Variants in FHIT observed in about 807,000 individuals in gnomAD.
The protein encoded by FHIT is bis(5'-adenosyl)-triphosphatase.
A neutral mutation model predicts 17.9 loss-of-function variants in FHIT; 19 were observed. The ratio of observed to expected loss-of-function variants is 1.06; its 90% confidence interval spans 0.74 to 1.56. The LOEUF (loss-of-function observed/expected upper bound fraction) is 1.56, where lower values mean the gene tolerates loss of function less well. Ranked by LOEUF, FHIT falls within the 40% of genes most tolerant of loss-of-function variation. FHIT has a pLI of 0.00. For missense variants in FHIT, 248 were observed against 189.2 expected, an observed-to-expected ratio of 1.31 and a Z score of -1.82; for synonymous variants, 81 against 69.7, an observed-to-expected ratio of 1.16 and a Z score of -0.81.
At chr3:61,212,343 T>A (rs1043882681) in intron 1 of FHIT, among the ~76,000 whole-genome samples, 1 of 152,074 alleles carries the variant, frequency 6.6e-6, no homozygotes, top group African/African-American at 2.4e-5. Context: ...GCACGAGAAC[T>A]ACGTGAAGAA....
At chr3:60,517,540 G>A (rs1485951639) in intron 5 of FHIT, among the ~76,000 whole-genome samples, 4 of 152,106 alleles carry the variant, frequency 2.6e-5, no homozygotes. Context: ...ACGGTCAAAG[G>A]GTGGTCTTCA....
intron 3 of FHIT, among the ~76,000 whole-genome samples, chr3:60,830,600 T>C (rs1203660159): frequency 6.6e-6 from 1 of 152,222 alleles, no homozygotes; most frequent in East Asian, 1.9e-4. Context: ...AATGGAAATA[T>C]ATTTGTAATT....
chr3:60,969,186 T>C (rs1709891126), intron 3 of FHIT, among the ~76,000 whole-genome samples: 1 of 152,166 alleles, frequency 6.6e-6, no homozygotes, highest in Non-Finnish European at 1.5e-5. Context: ...TTTCTAATTA[T>C]GAAGCTAATT....
chr3:60,162,279 C>A (rs2107369604), intron 5 of FHIT, among the ~76,000 whole-genome samples: 1 of 152,200 alleles, frequency 6.6e-6, no homozygotes, highest in African/African-American at 2.4e-5. Context: ...CAATGTAGAT[C>A]TTTTAATTTT....
chr3:60,791,810 ATCT>A (rs1371021170), intron 4 of FHIT, among the ~76,000 whole-genome samples: 63 of 152,354 alleles, frequency 4.1e-4, no homozygotes, highest in African/African-American at 1.5e-3. Flanking sequence ...ACTTTTCTAA[ATCT>A]TCTTCTCTCT....
intron 7 of FHIT, among the ~76,000 whole-genome samples, chr3:60,000,562 C>G (rs374834249): frequency 1.3e-5 from 2 of 151,984 alleles, no homozygotes; most frequent in Non-Finnish European, 2.9e-5. Context: ...GAGTTCAAAC[C>G]CATCCTAATT....
At chr3:60,332,861 A>G (rs996398371) in intron 5 of FHIT, among the ~76,000 whole-genome samples, 11 of 152,212 alleles carry the variant, frequency 7.2e-5, no homozygotes, top group African/African-American at 2.7e-4. Context: ...ACTCAGAGGA[A>G]GATTTTTGCC....
chr3:60,785,411 A>T (rs1399881410), intron 4 of FHIT, among the ~76,000 whole-genome samples: 2 of 152,212 alleles, frequency 1.3e-5, no homozygotes, highest in Admixed American at 1.3e-4. Context: ...ACCATGCCAC[A>T]GGCAAAGAGT....
intron 7 of FHIT, among the ~76,000 whole-genome samples, chr3:59,951,200 C>G (rs1363019475): frequency 6.6e-6 from 1 of 152,184 alleles, no homozygotes; most frequent in Non-Finnish European, 1.5e-5. Context: ...CCGTATTATC[C>G]TGGAAGAGCT....
At chr3:60,094,939 C>T (rs1017003821) in intron 5 of FHIT, among the ~76,000 whole-genome samples, 84 of 152,272 alleles carry the variant, frequency 5.5e-4, no homozygotes, top group African/African-American at 2.0e-3. Context: ...TCTGAACGGA[C>T]TTGAATTTTA....
chr3:60,097,438 C>T (rs1704001135), intron 5 of FHIT, among the ~76,000 whole-genome samples: 1 of 152,112 alleles, frequency 6.6e-6, no homozygotes, highest in Non-Finnish European at 1.5e-5. Context: ...TTTTCCAAGA[C>T]AGACTCCAGG....
intron 7 of FHIT, among the ~76,000 whole-genome samples, chr3:60,007,537 G>A (rs943821899): frequency 4.6e-5 from 7 of 152,070 alleles, no homozygotes; most frequent in South Asian, 2.1e-4. Flanking sequence ...AAAATAAACC[G>A]GAGAAAAAGC....
intron 2 of FHIT, among the ~76,000 whole-genome samples, chr3:61,159,042 C>T (rs553961655): frequency 6.6e-6 from 1 of 152,234 alleles, no homozygotes; most frequent in East Asian, 1.9e-4. Context: ...TAAATTGTTA[C>T]CATTAGTGGG....
At chr3:61,196,490 C>CTTTAAAATGGACTTAA (rs2038857233) in intron 2 of FHIT, among the ~76,000 whole-genome samples, 2 of 151,752 alleles carry the variant, frequency 1.3e-5, no homozygotes, top group African/African-American at 4.8e-5. Context: ...TAAAAGTGTA[C>CTTTAAAATGGACTTAA]AATAAAGACT....
At chr3:60,507,515 C>T (rs1022337453) in intron 5 of FHIT, among the ~76,000 whole-genome samples, 1 of 152,104 alleles carries the variant, frequency 6.6e-6, no homozygotes, top group Non-Finnish European at 1.5e-5. Flanking sequence ...ACAACAGCAG[C>T]AACAACAAAA....
At chr3:61,127,506 G>A (rs1439750547) in intron 2 of FHIT, among the ~76,000 whole-genome samples, 1 of 152,174 alleles carries the variant, frequency 6.6e-6, no homozygotes, top group Non-Finnish European at 1.5e-5. Flanking sequence ...CCTAAAAATA[G>A]AAGCAGAAAA....
chr3:60,626,450 GTATT>G (rs1263030435), intron 4 of FHIT, among the ~76,000 whole-genome samples: 11 of 152,010 alleles, frequency 7.2e-5, no homozygotes, highest in African/African-American at 2.7e-4. Context: ...TTATTCCCAA[GTATT>G]TATTCTTTTT....
At chr3:59,751,541 A>G (rs1700901958) in intron 9 of FHIT, 2 of 216,610 alleles carry the variant, frequency 9.2e-6, no homozygotes, top group African/African-American at 4.5e-5. Context: ...CACTGCATAA[A>G]AATTTGGAGT....
intron 3 of FHIT, among the ~76,000 whole-genome samples, chr3:61,034,138 T>C (rs193210495): frequency 1.3e-4 from 20 of 152,278 alleles, no homozygotes; most frequent in Admixed American, 2.6e-4. Context: ...ATGATCTAAA[T>C]ATAAGTGCTA....
Sources: gnomAD v4.1 joint callset for allele counts (sites outside exome capture counted in the v4.1 genomes callset) on GRCh38, gnomAD v4.1.1 for gene constraint, MANE v1.5 for transcripts, NCBI Gene and HGNC (gene_info 2026-07-23, HGNC 2026-07-21) for gene names.